The following CACNB4 variants were observed in gnomAD, a reference collection of about 807,000 sequenced individuals.
CACNB4 encodes calcium voltage-gated channel auxiliary subunit beta 4.
A neutral mutation model predicts 71.2 loss-of-function variants in CACNB4; 32 were observed. That is an observed-to-expected ratio of 0.45 (90% confidence interval 0.34 to 0.60). The LOEUF (loss-of-function observed/expected upper bound fraction) is 0.60. CACNB4 is among the 20% of genes least tolerant of loss of function. The pLI is 0.01. For missense variants in CACNB4, 464 were observed against 647.9 expected (o/e 0.72, Z 3.08); for synonymous variants, 231 against 236.9 (o/e 0.97, Z 0.23).
chr2:152,085,821 A>AC lies in CACNB4; in HGVS notation c.147+12508_147+12509insG, dbSNP rs1021826053. 2.1e-3 allele frequency among the ~76,000 whole-genome samples: 282 copies of AC among 132,806 alleles called. 1 individual carries two copies. Among genetic ancestry groups the AC allele is most frequent in the East Asian group, 9.2e-3 (44 of 4,792 alleles). The allele number at this position is 132,806 out of a possible 152,430, so 87.1% of individuals were successfully genotyped here. A position where few individuals can be genotyped will look rare whatever the true frequency, so the allele number is the denominator to read the frequency against. ...TAACCTGCTGCAGCCATTAAAAAAA[A>AC]AAAAAAACAAACAAACAAAAAGCAG... On this transcript the variant is annotated intron_variant, in intron 2 of 13. Coordinates refer to ENST00000539935, the MANE Select transcript of CACNB4 (RefSeq NM_000726.5).
intron 2 of CACNB4, among the ~76,000 whole-genome samples, chr2:151,998,346 T>C (rs1347210586): frequency 7.1e-6 from 1 of 141,468 alleles, no homozygotes; most frequent in African/African-American, 2.8e-5. Context: ...AAAAAAAAGT[T>C]GAAATTAAGT....
chr2:151,865,767 T>TA (rs2099842920), intron 9 of CACNB4: 1 of 34,098 alleles, frequency 2.9e-5, no homozygotes, highest in Non-Finnish European at 5.7e-5. Flanking sequence ...TGTGTTTTTC[T>TA]TTTTCTTTCT....
chr2:151,996,496 A>G (rs1310097132), intron 2 of CACNB4, among the ~76,000 whole-genome samples: 14 of 147,044 alleles, frequency 9.5e-5, no homozygotes. Flanking sequence ...AAAAAAAAAA[A>G]GAATAGAGAA....
At position 151,892,688 on chromosome 2, in the gene CACNB4, C is replaced by T. The variant is rs151068065; in HGVS notation, c.148-9318G>A. 2.1e-4 allele frequency among the ~76,000 whole-genome samples: 32 copies of T among 152,368 alleles called. No homozygotes were observed. In the East Asian group the frequency reaches 6.0e-3, roughly 28 times the overall value. On this transcript the variant is annotated intron_variant, in intron 2 of 13. Coordinates refer to ENST00000539935, the MANE Select transcript of CACNB4 (RefSeq NM_000726.5). ...ACAGTAAAGCATCTACACTTCATTT[C>T]AGGCAGGAGTCATGTCTTACCAGTT...
rs5835400 is a variant in CACNB4 at position 152,004,532 on chromosome 2, TACACACAC to T, written c.147+93790_147+93797del. The stretch of plus-strand genomic sequence containing the variant: ...CCGTGTCCCCCCTACTTTACATACA[TACACACAC>T]ACACACACACACACACACACACACA... On this transcript the variant is annotated intron_variant, in intron 2 of 13. Coordinates refer to ENST00000539935, the MANE Select transcript of CACNB4 (RefSeq NM_000726.5). 5.3e-4 allele frequency among the ~76,000 whole-genome samples: 79 copies of T among 149,328 alleles called. 3 individuals carry two copies. Among genetic ancestry groups the T allele is most frequent in the East Asian group, 3.8e-3 (19 of 5,066 alleles).
At chr2:152,010,848 G>A (rs1415515441) in intron 2 of CACNB4, among the ~76,000 whole-genome samples, 2 of 152,170 alleles carry the variant, frequency 1.3e-5, no homozygotes, top group Non-Finnish European at 2.9e-5. Context: ...CTGGGGATCT[G>A]TGGGAACACA....
intron 2 of CACNB4, among the ~76,000 whole-genome samples, chr2:151,906,460 A>G (rs775052695): frequency 6.6e-6 from 1 of 152,194 alleles, no homozygotes; most frequent in Non-Finnish European, 1.5e-5. Context: ...GCTAGGGAAG[A>G]GGGTAAGAGC....
intron 12 of CACNB4, among the ~76,000 whole-genome samples, chr2:151,843,537 A>G (rs978624682): frequency 6.6e-6 from 1 of 152,026 alleles, no homozygotes; most frequent in African/African-American, 2.4e-5. Flanking sequence ...GCTGGTCTCA[A>G]ACTCCTGGGC....
intron 2 of CACNB4, among the ~76,000 whole-genome samples, chr2:152,058,896 C>T (rs935085130): frequency 1.3e-5 from 2 of 152,220 alleles, no homozygotes; most frequent in African/African-American, 4.8e-5. Context: ...TGTATGTAGC[C>T]TCTTGGTGCC....
At chr2:152,044,260 GC>G (rs1330898442) in intron 2 of CACNB4, among the ~76,000 whole-genome samples, 1 of 151,778 alleles carries the variant, frequency 6.6e-6, no homozygotes, top group Non-Finnish European at 1.5e-5. Context: ...TTGCTCTGTC[GC>G]CCAGGTTGGA....
At chr2:151,870,764 G>T in intron 7 of CACNB4, 78 bp downstream of exon 7, 1 of 1,286,904 alleles carries the variant, frequency 7.8e-7, no homozygotes, top group Non-Finnish European at 1.1e-6. Flanking sequence ...ATAGCCACTT[G>T]GGTCACTGAA....
chr2:152,072,411 C>T (rs1033654382), intron 2 of CACNB4, among the ~76,000 whole-genome samples: 1 of 152,160 alleles, frequency 6.6e-6, no homozygotes, highest in Non-Finnish European at 1.5e-5. Flanking sequence ...GTATGAAAAG[C>T]AATTTAAGAG....
chr2:151,913,622 C>T (rs1305483078), intron 2 of CACNB4, among the ~76,000 whole-genome samples: 2 of 151,574 alleles, frequency 1.3e-5, no homozygotes, highest in Non-Finnish European at 2.9e-5. Context: ...AAAAAATCGC[C>T]AGGGGTGGTG....
intron 2 of CACNB4, among the ~76,000 whole-genome samples, chr2:151,992,084 T>C (rs1681739879): frequency 1.3e-5 from 2 of 152,052 alleles, no homozygotes; most frequent in South Asian, 4.1e-4. Context: ...CCCTTCACCA[T>C]TGGTGGAGAG....
At chr2:151,933,176 CA>C (rs142278220) in intron 2 of CACNB4, among the ~76,000 whole-genome samples, 5 of 145,684 alleles carry the variant, frequency 3.4e-5, no homozygotes, top group Non-Finnish European at 6.1e-5. Flanking sequence ...CCATTAAAAA[CA>C]AAAAAAAAGC....
At chr2:152,009,180 C>T (rs1682908125) in intron 2 of CACNB4, among the ~76,000 whole-genome samples, 1 of 146,792 alleles carries the variant, frequency 6.8e-6, no homozygotes, top group Admixed American at 6.8e-5. Context: ...AACAGTGAGA[C>T]CCTGTCTCAA....
intron 2 of CACNB4, chr2:151,884,200 T>A (rs1477358526): frequency 6.6e-6 from 1 of 150,790 alleles, no homozygotes; most frequent in Non-Finnish European, 1.5e-5. Context: ...CTCGGGAGGC[T>A]GAGGCAGGAG....
At chr2:151,946,191 T>C (rs1372104388) in intron 2 of CACNB4, among the ~76,000 whole-genome samples, 1 of 151,946 alleles carries the variant, frequency 6.6e-6, no homozygotes, top group Non-Finnish European at 1.5e-5. Context: ...TAGCCAGGCA[T>C]GGTGGTGGGT....
At chr2:151,900,435 T>G (rs1465555882) in intron 2 of CACNB4, among the ~76,000 whole-genome samples, 2 of 152,190 alleles carry the variant, frequency 1.3e-5, no homozygotes, top group African/African-American at 4.8e-5. Flanking sequence ...AGAGAAAACG[T>G]TGCGAAGGCA....
Sources: gnomAD v4.1 joint callset for allele counts (sites outside exome capture counted in the v4.1 genomes callset) on GRCh38, gnomAD v4.1.1 for gene constraint, MANE v1.5 for transcripts, NCBI Gene and HGNC (gene_info 2026-07-23, HGNC 2026-07-21) for gene names.